Variants in SCN3B observed in about 807,000 individuals in gnomAD.
The protein encoded by SCN3B is sodium channel regulatory subunit beta-3.
Under a neutral mutation model 25.4 loss-of-function variants are expected in SCN3B, and 11 were observed. The ratio of observed to expected loss-of-function variants is 0.43; its 90% CI spans 0.27 to 0.72. The LOEUF (loss-of-function observed/expected upper bound fraction) is 0.72. Among genes scored for constraint, SCN3B ranks in the 30% least tolerant of loss-of-function variants. SCN3B has a pLI of 0.18. For synonymous variants in SCN3B, 109 were observed against 110.7 expected, an observed-to-expected ratio of 0.99 and a Z score of 0.09; for missense variants, 218 against 278.3, an observed-to-expected ratio of 0.78 and a Z score of 1.54.
At chr11:123,652,396 C>T (rs12419505) in intron 2 of SCN3B, among the ~76,000 whole-genome samples, 23,848 of 152,192 alleles carry the variant, frequency 0.16, 1,961 homozygotes, top group Admixed American at 0.22. Flanking sequence ...CCTAGTCCGT[C>T]TCATCAGGCA....
At chr11:123,638,670 A>G (rs1387460655) in intron 4 of SCN3B, 1 of 364,932 alleles carries the variant, frequency 2.7e-6, no homozygotes, top group South Asian at 2.3e-5. Context: ...CTTAATTTGT[A>G]GGTTGAGGAT....
chr11:123,635,725 A>G (rs1295829801), intron 5 of SCN3B, among the ~76,000 whole-genome samples: 1 of 151,742 alleles, frequency 6.6e-6, no homozygotes, highest in Non-Finnish European at 1.5e-5. Context: ...TTCATCTCCG[A>G]TAAGACAAAT....
At chr11:123,643,029 T>C (rs973279525) in intron 3 of SCN3B, among the ~76,000 whole-genome samples, 6 of 151,928 alleles carry the variant, frequency 3.9e-5, no homozygotes, top group African/African-American at 9.7e-5. Flanking sequence ...GAGACGGACA[T>C]TGAGAGAAAG....
chr11:123,645,793 G>A, intron 2 of SCN3B, 43 bp from the exon 3 acceptor site: 12 of 1,603,356 alleles, frequency 7.5e-6, no homozygotes, highest in Non-Finnish European at 9.4e-6. Context: ...AGCAGGTGGT[G>A]GGGGAGGGGC....
chr11:123,645,847 CA>C, intron 2 of SCN3B, 97 bp from the exon 3 acceptor site: 1 of 1,438,060 alleles, frequency 7.0e-7, no homozygotes, highest in Non-Finnish European at 9.7e-7. Flanking sequence ...GGAAGAGAGA[CA>C]GAGAAGGAAG....
chr11:123,644,701 G>T (rs1437369671), intron 3 of SCN3B, among the ~76,000 whole-genome samples: 7 of 150,314 alleles, frequency 4.7e-5, no homozygotes, highest in Non-Finnish European at 1.0e-4. Flanking sequence ...AATCTGGGAG[G>T]TGGAGGTTAC....
chr11:123,648,909 G>A (rs1369596071), intron 2 of SCN3B, among the ~76,000 whole-genome samples: 1 of 152,210 alleles, frequency 6.6e-6, no homozygotes, highest in East Asian at 1.9e-4. Flanking sequence ...GGCCATGTTA[G>A]AACCTTGGCA....
rs922596926 is a variant in SCN3B at position 123,629,617 on chromosome 11, T to C, written c.*4182A>G. The C allele has an allele frequency of 1.3e-5, 2 of 152,266 alleles. No homozygotes were observed. The highest frequency in any genetic ancestry group is 4.8e-5 in the African/African-American group (2 of 41,452). The allele number at this position is 152,266 out of a possible 1,614,324, so 9.4% of individuals were successfully genotyped here. ...TAAGTAAGGTTTGGATGATGCTGCT[T>C]TTCAGACCTGTGACTGCATGGCACA... is the stretch of plus-strand genomic sequence containing the variant. On this transcript the variant is annotated 3_prime_UTR_variant, in exon 7 of 7. Transcript: ENST00000299333.
chr11:123,653,886 C>A (rs886047902), intron 1 of SCN3B, 60 bp from the exon 2 acceptor site: 3 of 1,506,210 alleles, frequency 2.0e-6, no homozygotes, highest in South Asian at 1.1e-5. Flanking sequence ...TCGAGGAAAC[C>A]CTTTGGGACG....
Position 123,642,713 on chromosome 11 carries a change from G to T in SCN3B, c.220-42C>A. 1.3e-6 allele frequency: 2 copies of T among 1,513,496 alleles called. No individual in the cohort carries two copies. The highest frequency in any genetic ancestry group is 1.8e-6 in the Non-Finnish European group (2 of 1,092,032). 93.8% of individuals were successfully genotyped at this position (1,513,496 alleles called of 1,614,324 possible). On this transcript the variant is annotated intron_variant, in intron 3 of 6. Transcript: ENST00000299333. This position sits in a 1 kb window ranked among gnomAD's most constrained non-coding sequence, Gnocchi z 4.3. ...AGAAGAGGGTAGGGCCAGGAAAGGA[G>T]ATGGCAGTGGGGGGAAGCCGAGTTA...
At chr11:123,640,348 A>C (rs1007831001) in intron 4 of SCN3B, 6 of 152,266 alleles carry the variant, frequency 3.9e-5, no homozygotes, top group African/African-American at 1.4e-4. Context: ...CCTTAGGGCC[A>C]GGAGGTGACA....
At position 123,642,040 on chromosome 11, in the gene SCN3B, G is replaced by C. The variant is rs1466456106; in HGVS notation, c.445+406C>G. On this transcript the variant is annotated intron_variant, in intron 4 of 6. Coordinates refer to ENST00000299333, the MANE Select transcript of SCN3B (RefSeq NM_001040151.2). This position sits in a 1 kb window ranked among gnomAD's most constrained non-coding sequence, Gnocchi z 4.3. ...AACCCCTGGCTTAGAGGCATGTATT[G>C]CTTACAGGTAGAAGGAGAGATGACT... Among the ~76,000 whole-genome samples the C allele has an allele frequency of 6.6e-6, 1 of 152,126 alleles. No homozygotes were observed. Among genetic ancestry groups the C allele is most frequent in the East Asian group, 1.9e-4 (1 of 5,172 alleles).
chr11:123,651,483 T>G (rs1273827592), intron 2 of SCN3B, among the ~76,000 whole-genome samples: 1 of 152,004 alleles, frequency 6.6e-6, no homozygotes, highest in Non-Finnish European at 1.5e-5. Flanking sequence ...CCTGCCTCAG[T>G]CCCCCTAGTA....
chr11:123,645,738 A>G lies in SCN3B; in HGVS notation c.68T>C (p.Phe23Ser). ...CGAGGGCACTTCCACACACACAGGG[A>G]AGCAGACACTGACTGCAGAGAGGAC... ...LVLIYWVSVCFPVCVEVPSET... is the reference protein window; with the variant it reads ...LVLIYWVSVCSPVCVEVPSET... Residue 23 changes from phenylalanine to serine, a missense_variant, in exon 3 of 7, where the codon TTC (phenylalanine) becomes TCC (serine). By Grantham distance (155) the Phe-to-Ser change is radical. Coordinates refer to ENST00000299333, the MANE Select transcript of SCN3B (RefSeq NM_001040151.2). 1.2e-6 allele frequency: 2 copies of G among 1,614,124 alleles called. No individual in the cohort carries two copies. The highest frequency in any genetic ancestry group is 1.7e-6 in the Non-Finnish European group (2 of 1,180,030).
At chr11:123,643,659 G>A (rs941383624) in intron 3 of SCN3B, among the ~76,000 whole-genome samples, 3 of 152,244 alleles carry the variant, frequency 2.0e-5, no homozygotes, top group East Asian at 1.9e-4. Context: ...TTCCATGGAT[G>A]TTTTGCTGTT....
chr11:123,644,972 C>A (rs75241151), intron 3 of SCN3B, among the ~76,000 whole-genome samples: 3,897 of 151,842 alleles, frequency 0.026, 114 homozygotes, highest in South Asian at 0.064. Context: ...GGAAGACTCC[C>A]AGCTCTGCCA....
chr11:123,637,718 C>T (rs7111859), intron 5 of SCN3B, among the ~76,000 whole-genome samples: 11,160 of 151,900 alleles, frequency 0.073, 908 homozygotes, highest in African/African-American at 0.2. Context: ...TTAGTAGAGA[C>T]GGGATTTCAC....
At chr11:123,644,272 A>G (rs959705688) in intron 3 of SCN3B, among the ~76,000 whole-genome samples, 5 of 152,208 alleles carry the variant, frequency 3.3e-5, no homozygotes, top group African/African-American at 4.8e-5. Flanking sequence ...ATTATAGCTC[A>G]TGAGTCCTGG....
At chr11:123,648,172 C>T (rs1219344544) in intron 2 of SCN3B, among the ~76,000 whole-genome samples, 1 of 152,316 alleles carries the variant, frequency 6.6e-6, no homozygotes, top group East Asian at 1.9e-4. Flanking sequence ...TAAATTCATT[C>T]ATTTCATGTT....
Sources: gnomAD v4.1 joint callset for allele counts (sites outside exome capture counted in the v4.1 genomes callset) on GRCh38, gnomAD v4.1.1 for gene constraint, Gnocchi (gnomAD v3.1) non-coding constraint, MANE v1.5 for transcripts, NCBI Gene and HGNC (gene_info 2026-07-23, HGNC 2026-07-21) for gene names.